Variants in SPRR2B observed in about 807,000 individuals in gnomAD.
SPRR2B encodes the protein small proline rich protein 2B, also known as small proline-rich protein 2B.
Under a neutral mutation model 1.0 loss-of-function variants are expected in SPRR2B, and 1 was observed. The ratio of observed to expected loss-of-function variants is 1.01; its 90% confidence interval spans 0.36 to 4.77. SPRR2B has a LOEUF of 4.77. Among genes scored for constraint, SPRR2B ranks in the 30% most tolerant of loss-of-function variants. The probability of loss-of-function intolerance (pLI) is 0.16; values close to 1 mark genes in which losing one functional copy is unlikely to be tolerated. For missense variants in SPRR2B, 53 were observed against 88.7 expected, an observed-to-expected ratio of 0.60 and a Z score of 1.62; for synonymous variants, 27 against 33.4, an observed-to-expected ratio of 0.81 and a Z score of 0.66.
At chr1:153,075,246 G>A (rs936394918), upstream of SPRR2B, among the ~76,000 whole-genome samples, 12 of 152,106 alleles carry the variant, frequency 7.9e-5, no homozygotes, top group African/African-American at 2.9e-4. Flanking sequence ...GGGAGGCTGA[G>A]GCACAGAATT....
At chr1:153,076,113 A>G (rs1654763488), upstream of SPRR2B, among the ~76,000 whole-genome samples, 1 of 152,158 alleles carries the variant, frequency 6.6e-6, no homozygotes, top group Non-Finnish European at 1.5e-5. Flanking sequence ...AATTTAGTCT[A>G]CTGTTACTGT....
In SPRR2B at chr1:153,070,654, G is replaced by A. The variant is rs373259550; in HGVS notation, c.186C>T (p.Pro62=). The A allele has an allele frequency of 1.9e-6, 3 of 1,612,198 alleles. No individual in the cohort carries two copies. Among genetic ancestry groups the A allele is most frequent in the Admixed American group, 3.3e-5 (2 of 59,986 alleles). Residue 62 remains proline (P), a synonymous_variant, in exon 2 of 2, where the codon CCC becomes CCT. Coordinates refer to ENST00000368755, the MANE Select transcript of SPRR2B (RefSeq NM_001388198.1). ...TCTTCGGTGGATACTTTGGCTGGCA[G>A]GGTGGGGAAGGTGTCACAGGAGGAT... ...QKYPPVTPSP[P]CQPKYPPKSK
At chr1:153,085,008 G>A in the SPRR2B span, among the ~76,000 whole-genome samples, 1 of 152,170 alleles carries the variant, frequency 6.6e-6, no homozygotes, top group South Asian at 2.1e-4. Flanking sequence ...ATGAGATAAA[G>A]AAATTAAAAC....
At chr1:153,079,346 T>C in the SPRR2B span, among the ~76,000 whole-genome samples, 1 of 152,234 alleles carries the variant, frequency 6.6e-6, no homozygotes, top group Non-Finnish European at 1.5e-5. Flanking sequence ...ATTCTTTTGC[T>C]GTGCAGAAGC....
At chr1:153,085,764 G>T in the SPRR2B span, among the ~76,000 whole-genome samples, 1 of 152,154 alleles carries the variant, frequency 6.6e-6, no homozygotes, top group African/African-American at 2.4e-5. Flanking sequence ...AAGAATAAAT[G>T]CTAAAGGCAG....
the SPRR2B span, among the ~76,000 whole-genome samples, chr1:153,078,531 C>T: frequency 1.2e-4 from 18 of 151,904 alleles, no homozygotes; most frequent in African/African-American, 3.9e-4. Context: ...ACCCCACAAC[C>T]GGCCCCAGTG....
At chr1:153,083,413 T>C in the SPRR2B span, among the ~76,000 whole-genome samples, 1 of 152,012 alleles carries the variant, frequency 6.6e-6, no homozygotes, top group Non-Finnish European at 1.5e-5. Flanking sequence ...ATGAATATGA[T>C]GCACAAAAGA....
chr1:153,079,636 G>T, the SPRR2B span, among the ~76,000 whole-genome samples: 12 of 152,166 alleles, frequency 7.9e-5, no homozygotes, highest in East Asian at 1.7e-3. Flanking sequence ...TTTCCCCATT[G>T]CTTGTTTTTG....
chr1:153,084,881 C>A, the SPRR2B span, among the ~76,000 whole-genome samples: 1,420 of 152,286 alleles, frequency 9.3e-3, 23 homozygotes, highest in African/African-American at 0.032. Flanking sequence ...GACACACTTC[C>A]CTCAGAGTTA....
the SPRR2B span, among the ~76,000 whole-genome samples, chr1:153,077,990 A>G: frequency 7.9e-5 from 12 of 152,384 alleles, no homozygotes; most frequent in South Asian, 2.1e-3. Context: ...TACTACAAAA[A>G]AAATCTAATA....
chr1:153,076,041 T>C (rs79112223), upstream of SPRR2B, among the ~76,000 whole-genome samples: 25 of 152,320 alleles, frequency 1.6e-4, no homozygotes, highest in East Asian at 4.6e-3. Flanking sequence ...TGTATAGATA[T>C]ATGTATTCTA....
chr1:153,078,893 T>TG, the SPRR2B span, among the ~76,000 whole-genome samples: 2 of 152,216 alleles, frequency 1.3e-5, no homozygotes, highest in South Asian at 2.1e-4. Flanking sequence ...ATGGGATGGC[T>TG]GGTCAAATGG....
the SPRR2B span, among the ~76,000 whole-genome samples, chr1:153,085,791 G>T: frequency 6.6e-6 from 1 of 152,114 alleles, no homozygotes; most frequent in East Asian, 1.9e-4. Context: ...AGAAAGATCA[G>T]GTCACCTACA....
chr1:153,078,826 G>A, the SPRR2B span, among the ~76,000 whole-genome samples: 2 of 152,194 alleles, frequency 1.3e-5, no homozygotes, highest in South Asian at 2.1e-4. Flanking sequence ...ATAAACATAT[G>A]TGTGCATTTG....
In SPRR2B at chr1:153,070,347, C is replaced by T; in HGVS notation, c.*274G>A. The stretch of plus-strand genomic sequence containing the variant: ...ATCAACAGAATTCTCTGATGGTTCC[C>T]AGGCACACAGCTGCAGCTCTTTCTG... On this transcript the variant is annotated 3_prime_UTR_variant, in exon 2 of 2. Transcript: ENST00000368755. The T allele has an allele frequency of 3.4e-6, 2 of 591,450 alleles. No individual in the cohort carries two copies. The highest frequency in any genetic ancestry group is 5.8e-6 in the Non-Finnish European group (2 of 347,348). 36.6% of individuals were successfully genotyped at this position (591,450 alleles called of 1,614,324 possible).
upstream of SPRR2B, among the ~76,000 whole-genome samples, chr1:153,074,753 G>A (rs747864219): frequency 3.9e-5 from 6 of 152,158 alleles, no homozygotes; most frequent in Non-Finnish European, 5.9e-5. Flanking sequence ...TTCTCCAAAT[G>A]TTACCTATTA....
the SPRR2B span, among the ~76,000 whole-genome samples, chr1:153,083,898 C>T: frequency 1.3e-3 from 195 of 152,324 alleles, 5 homozygotes; most frequent in East Asian, 0.036. Flanking sequence ...TCTCTAGGCT[C>T]AACTTGCTCG....
chr1:153,073,031 G>C (rs1212011362), upstream of SPRR2B, among the ~76,000 whole-genome samples: 2 of 152,174 alleles, frequency 1.3e-5, no homozygotes, highest in Non-Finnish European at 2.9e-5. Flanking sequence ...ATTCTTTGGA[G>C]CACTCACCAG....
Position 153,070,503 on chromosome 1 carries a change from G to A in SPRR2B, c.*118C>T, listed in dbSNP as rs984269709. 2.6e-6 allele frequency: 4 copies of A among 1,514,754 alleles called. No homozygotes were observed. The Admixed American group carries it at 8.5e-5, about 32-fold the overall frequency. The allele number at this position is 1,514,754 out of a possible 1,614,324, so 93.8% of individuals were successfully genotyped here. The stretch of plus-strand genomic sequence containing the variant: ...ATCATGGGCAGATCACAGGCTAAGG[G>A]GAAAGAAGCTCCCTATGAATCCATG... On this transcript the variant is annotated 3_prime_UTR_variant, in exon 2 of 2. Transcript: ENST00000368755.
Sources: gnomAD v4.1 joint callset for allele counts (sites outside exome capture counted in the v4.1 genomes callset) on GRCh38, gnomAD v4.1.1 for gene constraint, MANE v1.5 for transcripts, NCBI Gene and HGNC (gene_info 2026-07-23, HGNC 2026-07-21) for gene names.